The following SV2B variants were observed in gnomAD, a reference collection of about 807,000 sequenced individuals.
The protein encoded by SV2B is solute carrier family 22 member B2.
In SV2B, 41 loss-of-function variants were observed where a neutral mutation model predicts 73.9. The ratio of observed to expected loss-of-function variants is 0.56; its 90% confidence interval spans 0.43 to 0.72. The LOEUF (loss-of-function observed/expected upper bound fraction) is 0.72, where lower values mean the gene tolerates loss of function less well. Ranked by LOEUF, SV2B falls within the 30% of genes least tolerant of loss-of-function variation. The pLI is 0.00. For synonymous variants in SV2B, 314 were observed against 314.2 expected (o/e 1.00, Z 0.01); for missense variants, 764 against 857.8 (o/e 0.89, Z 1.37).
intron 1 of SV2B, among the ~76,000 whole-genome samples, chr15:91,156,521 G>A: frequency 6.6e-6 from 1 of 152,170 alleles, no homozygotes; most frequent in Non-Finnish European, 1.5e-5. Flanking sequence ...TGAAGCCAAG[G>A]GTATGGTAAT....
At position 91,281,501 on chromosome 15, in the gene SV2B, A is replaced by G. The variant is rs576456517; in HGVS notation, c.1374-227A>G. Among the ~76,000 whole-genome samples the G allele has an allele frequency of 1.3e-3, 196 of 152,330 alleles. 2 individuals are homozygous for G. Among genetic ancestry groups the G allele is most frequent in the Middle Eastern group, 6.8e-3 (2 of 294 alleles). On this transcript the variant is annotated intron_variant, in intron 9 of 12. Transcript: ENST00000394232. This position sits in a 1 kb window ranked among gnomAD's most constrained non-coding sequence, Gnocchi z 4.7. ...CCTTTGAAAACCAGCAGGTTGGTGC[A>G]TAGCACTCCGTATGCACCTACGCTA...
chr15:91,119,444 C>A (rs1471591420), intron 1 of SV2B, among the ~76,000 whole-genome samples: 1 of 152,190 alleles, frequency 6.6e-6, no homozygotes, highest in Non-Finnish European at 1.5e-5. Flanking sequence ...TAAACTGATA[C>A]AATACCCAGA....
intron 1 of SV2B, among the ~76,000 whole-genome samples, chr15:91,101,122 G>A (rs886518060): frequency 2.0e-5 from 3 of 152,274 alleles, no homozygotes; most frequent in South Asian, 2.1e-4. Flanking sequence ...GGTGTCTTGG[G>A]CTCTGATAAG....
rs901495433 is a variant in SV2B, at chr15:91,160,998, A to T, written c.-392+60635A>T. Among the ~76,000 whole-genome samples, 2 of 151,272 alleles carry T rather than the reference A, an allele frequency of 1.3e-5. 1 individual carries two copies. Among genetic ancestry groups the T allele is most frequent in the East Asian group, 3.9e-4 (2 of 5,104 alleles). On this transcript the variant is annotated intron_variant, in intron 1 of 12. Coordinates refer to ENST00000394232, the MANE Select transcript of SV2B (RefSeq NM_001323032.3). Reference sequence around the variant, plus strand: ...AGCAACAAAAAGAACAGAACCACGGATGCGTGCAGCCCCACGGATTAACCT... The same window carrying T: ...AGCAACAAAAAGAACAGAACCACGGTTGCGTGCAGCCCCACGGATTAACCT...
intron 9 of SV2B, among the ~76,000 whole-genome samples, chr15:91,278,415 C>T (rs1033276145): frequency 9.2e-5 from 14 of 152,048 alleles, no homozygotes; most frequent in Non-Finnish European, 1.8e-4. Flanking sequence ...TTACACATCA[C>T]GCCTGTAATC....
rs1326104091 is a variant in SV2B at position 91,292,812 on chromosome 15, G to A, written c.*260G>A. 1 of 380,920 alleles carries A rather than the reference G, an allele frequency of 2.6e-6. No individual in the cohort carries two copies. Among genetic ancestry groups the A allele is most frequent in the Non-Finnish European group, 4.7e-6 (1 of 213,504 alleles). The allele number at this position is 380,920 out of a possible 1,614,324, so 23.6% of individuals were successfully genotyped here. A position where few individuals can be genotyped will look rare whatever the true frequency, so the allele number is the denominator to read the frequency against. On this transcript the variant is annotated 3_prime_UTR_variant, in exon 13 of 13. Coordinates refer to ENST00000394232, the MANE Select transcript of SV2B (RefSeq NM_001323032.3). ...AAGTCTTCCCAGTCCAAGGCAGGGA[G>A]AGGATTCTCCAGTGAGTGCACACAC...
At position 91,267,462 on chromosome 15, in the gene SV2B, A is replaced by T; in HGVS notation, c.1120-93A>T. ...GGTTCTCTCCATGGGTTCCTAGGCAACTTATTAGAATATCTGAGTAATGAG... is the reference window on the plus strand; with the variant it reads ...GGTTCTCTCCATGGGTTCCTAGGCATCTTATTAGAATATCTGAGTAATGAG... On this transcript the variant is annotated intron_variant, in intron 7 of 12. Transcript: ENST00000394232. The surrounding 1 kb of genome is among the most constrained non-coding windows in gnomAD (Gnocchi z 4.3). 1.7e-6 allele frequency: 2 copies of T among 1,147,808 alleles called. No individual in the cohort carries two copies. Among genetic ancestry groups the T allele is most frequent in the Non-Finnish European group, 1.3e-6 (1 of 778,954 alleles). 71.1% of individuals were successfully genotyped at this position (1,147,808 alleles called of 1,614,324 possible). A position where few individuals can be genotyped will look rare whatever the true frequency, so the allele number is the denominator to read the frequency against.
Position 91,288,747 on chromosome 15 carries a change from G to A in SV2B, c.1709-774G>A, listed in dbSNP as rs141126955. ...GGCTGGAGTACAGTGGCGCCATCTCGGCTCACTGCAACCTCTGCCTCCCAG... is the reference window on the plus strand; with the variant it reads ...GGCTGGAGTACAGTGGCGCCATCTCAGCTCACTGCAACCTCTGCCTCCCAG... On this transcript the variant is annotated intron_variant, in intron 11 of 12. Coordinates refer to ENST00000394232, the MANE Select transcript of SV2B (RefSeq NM_001323032.3). The surrounding 1 kb of genome is among the most constrained non-coding windows in gnomAD (Gnocchi z 5.8). Among the ~76,000 whole-genome samples, 1 of 151,402 alleles carries A rather than the reference G, an allele frequency of 6.6e-6. No homozygotes were observed. Among genetic ancestry groups the A allele is most frequent in the Non-Finnish European group, 1.5e-5 (1 of 67,886 alleles).
chr15:91,282,298 AG>A (rs1166431324), intron 10 of SV2B, among the ~76,000 whole-genome samples: 1 of 152,240 alleles, frequency 6.6e-6, no homozygotes, highest in Non-Finnish European at 1.5e-5. Context: ...ATAAATGGAA[AG>A]GGAAAATTAC....
At chr15:91,196,038 G>A (rs2045233818) in intron 1 of SV2B, among the ~76,000 whole-genome samples, 1 of 152,216 alleles carries the variant, frequency 6.6e-6, no homozygotes, top group African/African-American at 2.4e-5. Context: ...AAGTGTTTAA[G>A]TGCTTTAGGC....
Position 91,266,854 on chromosome 15 carries a change from C to T in SV2B, c.1119+162C>T, listed in dbSNP as rs533451127. 3.2e-3 allele frequency: 1,721 copies of T among 542,758 alleles called. 3 individuals are homozygous for T. The highest frequency in any genetic ancestry group is 3.7e-3 in the Non-Finnish European group (1,157 of 309,146). 33.6% of individuals were successfully genotyped at this position (542,758 alleles called of 1,614,324 possible). On this transcript the variant is annotated intron_variant, in intron 7 of 12. Transcript: ENST00000394232. ...GCGTTTGGGCTCCAGCCCACGTCTG[C>T]CTCTAGCTTGCTGTGTGCCCTGGAG...
At chr15:91,120,863 A>G (rs1027300932) in intron 1 of SV2B, among the ~76,000 whole-genome samples, 9 of 152,028 alleles carry the variant, frequency 5.9e-5, no homozygotes, top group African/African-American at 2.2e-4. Flanking sequence ...ACTTATAGAG[A>G]ACTTAATACA....
intron 1 of SV2B, among the ~76,000 whole-genome samples, chr15:91,114,526 G>A (rs2042125843): frequency 6.6e-6 from 1 of 152,220 alleles, no homozygotes. Context: ...TGAGCTTGGT[G>A]TTGCTGGCGC....
intron 1 of SV2B, among the ~76,000 whole-genome samples, chr15:91,205,509 G>T (rs2141400470): frequency 6.6e-6 from 1 of 152,082 alleles, no homozygotes; most frequent in East Asian, 1.9e-4. Context: ...GGGATTACAG[G>T]TGTGCACCAC....
In SV2B at chr15:91,220,997, G is replaced by A. The variant is rs116722474; in HGVS notation, c.-391-4876G>A. On this transcript the variant is annotated intron_variant, in intron 1 of 12. Transcript: ENST00000394232. The surrounding 1 kb of genome is among the most constrained non-coding windows in gnomAD (Gnocchi z 4.1). ...TCCTTCCTCTGCCTCCTGAGGAGCTGGGATTACAGGTGTGTGCAACCATGC... is the reference window on the plus strand; with the variant it reads ...TCCTTCCTCTGCCTCCTGAGGAGCTAGGATTACAGGTGTGTGCAACCATGC... Among the ~76,000 whole-genome samples, 616 of 152,164 alleles carry A rather than the reference G, an allele frequency of 4.0e-3. 5 individuals carry two copies. Among genetic ancestry groups the A allele is most frequent in the African/African-American group, 0.014 (593 of 41,506 alleles).
In SV2B at chr15:91,124,496, G is replaced by T. The variant is rs148062736; in HGVS notation, c.-392+24133G>T. On this transcript the variant is annotated intron_variant, in intron 1 of 12. Transcript: ENST00000394232. The surrounding 1 kb of genome is among the most constrained non-coding windows in gnomAD (Gnocchi z 4.6). The stretch of plus-strand genomic sequence containing the variant: ...CACAAGACAGAATTTCAGGCCTGCA[G>T]AGGGATGGGGGACTTCCTTTAAGTC... Among the ~76,000 whole-genome samples, 6 of 152,304 alleles carry T rather than the reference G, an allele frequency of 3.9e-5. No homozygotes were observed. Among genetic ancestry groups the T allele is most frequent in the African/African-American group, 1.4e-4 (6 of 41,564 alleles).
rs1567268862 is a variant in SV2B at position 91,121,929 on chromosome 15, C to G, written c.-392+21566C>G. Among the ~76,000 whole-genome samples the G allele has an allele frequency of 6.6e-6, 1 of 152,084 alleles. No individual in the cohort carries two copies. Among genetic ancestry groups the G allele is most frequent in the Non-Finnish European group, 1.5e-5 (1 of 68,028 alleles). On this transcript the variant is annotated intron_variant, in intron 1 of 12. Transcript: ENST00000394232. The surrounding 1 kb of genome is among the most constrained non-coding windows in gnomAD (Gnocchi z 4.4). ...AGCTGGGACTACAGGTGCCTGCCAC[C>G]ACCCCCAGCTAATTTTTTGTATTTT...
Position 91,240,263 on chromosome 15 carries a change from T to C in SV2B, c.452-11556T>C, listed in dbSNP as rs1203903446. Among the ~76,000 whole-genome samples the C allele has an allele frequency of 6.6e-6, 1 of 152,192 alleles. No individual in the cohort carries two copies. The highest frequency in any genetic ancestry group is 1.5e-5 in the Non-Finnish European group (1 of 68,016). ...CCTCCCTAACCTTGGTTTCTTAATG[T>C]GTGATATTAAAATACTATTAGTACC... is the stretch of plus-strand genomic sequence containing the variant. On this transcript the variant is annotated intron_variant, in intron 2 of 12. Transcript: ENST00000394232. This position sits in a 1 kb window ranked among gnomAD's most constrained non-coding sequence, Gnocchi z 4.6.
intron 2 of SV2B, among the ~76,000 whole-genome samples, chr15:91,233,230 T>C (rs1354155727): frequency 6.6e-6 from 1 of 152,208 alleles, no homozygotes; most frequent in East Asian, 1.9e-4. Context: ...TATCACTAGA[T>C]ACATCTAATC....
Sources: gnomAD v4.1 joint callset for allele counts (sites outside exome capture counted in the v4.1 genomes callset) on GRCh38, gnomAD v4.1.1 for gene constraint, Gnocchi (gnomAD v3.1) non-coding constraint, MANE v1.5 for transcripts, NCBI Gene and HGNC (gene_info 2026-07-23, HGNC 2026-07-21) for gene names.